DUSP16: variants seen among roughly 807,000 people sequenced by gnomAD.
DUSP16 encodes the protein dual specificity phosphatase 16.
Under a neutral mutation model 58.3 loss-of-function variants are expected in DUSP16, and 21 were observed. That is an observed-to-expected ratio of 0.36 (90% CI 0.26 to 0.52). The LOEUF (loss-of-function observed/expected upper bound fraction) is 0.52. Ranked by LOEUF, DUSP16 falls within the 20% of genes least tolerant of loss-of-function variation. The pLI is 0.94. For missense variants in DUSP16, 726 were observed against 819.0 expected (o/e 0.89, Z 1.39); for synonymous variants, 320 against 323.8 (o/e 0.99, Z 0.12).
At chr12:12,498,820 C>T (rs1943869870) in intron 4 of DUSP16, among the ~76,000 whole-genome samples, 1 of 152,134 alleles carries the variant, frequency 6.6e-6, no homozygotes, top group South Asian at 2.1e-4. Context: ...TTTAGGGGTG[C>T]TTCCTGACAA....
chr12:12,474,184 C>T lies in DUSP16; in HGVS notation c.*2649G>A, dbSNP rs898898479. On this transcript the variant is annotated 3_prime_UTR_variant, in exon 7 of 7. Transcript: ENST00000298573. ...GCAACTTGAGTGGTGGTGTTCCCAC[C>T]GAGTTTATGGCTGCAAAGATAGGTC... 4 of 152,182 alleles carry T rather than the reference C, an allele frequency of 2.6e-5. No homozygotes were observed. Among genetic ancestry groups the T allele is most frequent in the African/African-American group, 2.4e-5 (1 of 41,440 alleles). The allele number at this position is 152,182 out of a possible 1,614,324, so 9.4% of individuals were successfully genotyped here.
chr12:12,509,241 A>G (rs903502462), intron 3 of DUSP16, among the ~76,000 whole-genome samples: 3 of 152,222 alleles, frequency 2.0e-5, no homozygotes, highest in African/African-American at 7.2e-5. Context: ...TATTTTCCTA[A>G]CACATCTGTG....
In DUSP16 at chr12:12,525,430, G is replaced by A. The variant is rs59381622; in HGVS notation, c.-365-3967C>T. On this transcript the variant is annotated intron_variant, in intron 1 of 6. Transcript: ENST00000298573. ...ATTACAGGCATGCGCCACCACACCC[G>A]GCTAATTTTGTATTTCTAGTAGAGA... Among the ~76,000 whole-genome samples the A allele has an allele frequency of 2.5e-3, 373 of 151,704 alleles. 1 individual carries two copies. The highest frequency in any genetic ancestry group is 4.3e-3 in the Non-Finnish European group (291 of 67,956).
chr12:12,523,802 G>A (rs867867668), intron 1 of DUSP16, among the ~76,000 whole-genome samples: 60 of 152,190 alleles, frequency 3.9e-4, no homozygotes, highest in African/African-American at 1.4e-3. Flanking sequence ...CCAAACCAGG[G>A]CTTCTACTAC....
chr12:12,492,240 CCT>C (rs1474759244), intron 4 of DUSP16, among the ~76,000 whole-genome samples: 1 of 152,166 alleles, frequency 6.6e-6, no homozygotes, highest in African/African-American at 2.4e-5. Flanking sequence ...ATTCTGTTTC[CCT>C]TTTTCTTCAA....
chr12:12,475,617 A>C lies in DUSP16; in HGVS notation c.*1216T>G, dbSNP rs1943415383. The C allele has an allele frequency of 6.6e-6, 1 of 152,192 alleles. No individual in the cohort carries two copies. Among genetic ancestry groups the C allele is most frequent in the Non-Finnish European group, 1.5e-5 (1 of 68,038 alleles). The allele number at this position is 152,192 out of a possible 1,614,324, so 9.4% of individuals were successfully genotyped here. A position where few individuals can be genotyped will look rare whatever the true frequency, so the allele number is the denominator to read the frequency against. On this transcript the variant is annotated 3_prime_UTR_variant, in exon 7 of 7. Transcript: ENST00000298573. ...CTCTCAGCCCTACTAGTAAATGTGA[A>C]AGTCTGAGGCAATCATAGAAACATC... is the stretch of plus-strand genomic sequence containing the variant.
At chr12:12,534,159 A>T (rs975358872) in intron 1 of DUSP16, among the ~76,000 whole-genome samples, 7 of 152,176 alleles carry the variant, frequency 4.6e-5, no homozygotes, top group Non-Finnish European at 1.0e-4. Flanking sequence ...TTGTTACTCT[A>T]CCAGGTAAGG....
At chr12:12,550,198 G>A (rs576159294) in intron 1 of DUSP16, among the ~76,000 whole-genome samples, 23 of 151,906 alleles carry the variant, frequency 1.5e-4, no homozygotes, top group East Asian at 1.4e-3. Context: ...GCTTGAACCC[G>A]GGAGGCGGAG....
chr12:12,533,633 C>G (rs907910466), intron 1 of DUSP16, among the ~76,000 whole-genome samples: 4 of 152,222 alleles, frequency 2.6e-5, no homozygotes, highest in Admixed American at 2.6e-4. Flanking sequence ...TTGTGCCAGT[C>G]ACCTACAACC....
At chr12:12,493,129 A>C (rs1458150760) in intron 4 of DUSP16, among the ~76,000 whole-genome samples, 1 of 152,084 alleles carries the variant, frequency 6.6e-6, no homozygotes, top group Admixed American at 6.5e-5. Context: ...CCCCATTCAT[A>C]CATCCATCTG....
At chr12:12,519,708 T>C (rs909483213) in intron 3 of DUSP16, among the ~76,000 whole-genome samples, 154 bp downstream of exon 3, 1 of 152,222 alleles carries the variant, frequency 6.6e-6, no homozygotes, top group African/African-American at 2.4e-5. Flanking sequence ...AGTATTCAAG[T>C]TAAATAGAAC....
chr12:12,477,356 C>T lies in DUSP16; in HGVS notation c.1475G>A (p.Ser492Asn). ...KRLHSVRTSS[S>N]GTAQRSLLSP... is the part of the protein sequence containing the mutation. ...TAAAAGGGACCTCTGGGCGGTGCCACTGCTGCTGGTTCTGACCGAATGCAA... is the reference window on the plus strand; with the variant it reads ...TAAAAGGGACCTCTGGGCGGTGCCATTGCTGCTGGTTCTGACCGAATGCAA... Residue 492 changes from serine to asparagine, a missense_variant, in exon 7 of 7, where the codon AGT becomes AAT. Physicochemically the swap from Ser to Asn is conservative, Grantham distance 46. Coordinates refer to ENST00000298573, the MANE Select transcript of DUSP16 (RefSeq NM_030640.3). The surrounding 1 kb of genome is among the most constrained non-coding windows in gnomAD (Gnocchi z 4.1). 1 of 1,614,184 alleles carries T rather than the reference C, an allele frequency of 6.2e-7. No homozygotes were observed. Among genetic ancestry groups the T allele is most frequent in the Non-Finnish European group, 8.5e-7 (1 of 1,180,006 alleles).
chr12:12,545,209 T>C (rs575731798), intron 1 of DUSP16, among the ~76,000 whole-genome samples: 1 of 152,316 alleles, frequency 6.6e-6, no homozygotes, highest in African/African-American at 2.4e-5. Flanking sequence ...CTGATTACTG[T>C]TATATAGAAA....
At position 12,476,540 on chromosome 12, in the gene DUSP16, T is replaced by C. The variant is rs1943439165; in HGVS notation, c.*293A>G. 3.9e-6 allele frequency: 1 copy of C among 257,380 alleles called. No individual in the cohort carries two copies. The highest frequency in any genetic ancestry group is 2.2e-5 in the African/African-American group (1 of 44,634). 15.9% of individuals were successfully genotyped at this position (257,380 alleles called of 1,614,324 possible). ...TTTGTCCTCCAACACCAAAGACACT[T>C]GCTTTTTTAAGAACAAGAGGATGTG... On this transcript the variant is annotated 3_prime_UTR_variant, in exon 7 of 7. Coordinates refer to ENST00000298573, the MANE Select transcript of DUSP16 (RefSeq NM_030640.3).
In DUSP16 at chr12:12,544,371, T is replaced by C. The variant is rs182285890; in HGVS notation, c.-366+17746A>G. 1.4e-4 allele frequency among the ~76,000 whole-genome samples: 22 copies of C among 152,346 alleles called. No homozygotes were observed. The East Asian group carries it at 3.3e-3, about 23-fold the overall frequency. On this transcript the variant is annotated intron_variant, in intron 1 of 6. Coordinates refer to ENST00000298573, the MANE Select transcript of DUSP16 (RefSeq NM_030640.3). The stretch of plus-strand genomic sequence containing the variant: ...TTATCTATTCTTCCACTGATGGACA[T>C]GTGGGTTGTTTCCAGCTTGGAGTTA...
At chr12:12,552,638 T>C (rs977219653) in intron 1 of DUSP16, among the ~76,000 whole-genome samples, 1 of 152,184 alleles carries the variant, frequency 6.6e-6, no homozygotes, top group Non-Finnish European at 1.5e-5. Flanking sequence ...GGAGCAATTA[T>C]GCAAACCCAG....
chr12:12,477,790 T>G lies in DUSP16; in HGVS notation c.1041A>C (p.Ser347=). The G allele has an allele frequency of 6.2e-7, 1 of 1,613,970 alleles. No homozygotes were observed. The highest frequency in any genetic ancestry group is 8.5e-7 in the Non-Finnish European group (1 of 1,179,980). Reference sequence around the variant, plus strand: ...GCACGGGCCTTTGTCCTGCTGCCTCTGAGGTAGCAGAGTCGGCACAGGGTG... The same window carrying G: ...GCACGGGCCTTTGTCCTGCTGCCTCGGAGGTAGCAGAGTCGGCACAGGGTG... ...LSPPCADSAT[S]EAAGQRPVHP... The change falls in exon 7 of 7, where the codon TCA becomes TCC. Residue 347 remains serine, a synonymous_variant. Coordinates refer to ENST00000298573, the MANE Select transcript of DUSP16 (RefSeq NM_030640.3). The surrounding 1 kb of genome is among the most constrained non-coding windows in gnomAD (Gnocchi z 4.1).
At chr12:12,513,164 A>T (rs1478582112) in intron 3 of DUSP16, among the ~76,000 whole-genome samples, 1 of 152,244 alleles carries the variant, frequency 6.6e-6, no homozygotes. Context: ...CTTTAACCAT[A>T]GCAAACATTA....
chr12:12,527,057 C>T (rs947032837), intron 1 of DUSP16, among the ~76,000 whole-genome samples: 4 of 152,208 alleles, frequency 2.6e-5, no homozygotes, highest in Non-Finnish European at 5.9e-5. Flanking sequence ...GCTTAACAGG[C>T]CTGTTGAGTG....
Sources: allele counts gnomAD v4.1 joint callset (sites outside exome capture counted in the v4.1 genomes callset), GRCh38; gene constraint gnomAD v4.1.1; non-coding constraint Gnocchi (gnomAD v3.1); transcripts MANE v1.5; gene names NCBI Gene and HGNC (gene_info 2026-07-23, HGNC 2026-07-21).